The following ZNF763 variants were observed in gnomAD, a reference collection of about 807,000 sequenced individuals.
The protein encoded by ZNF763 is zinc finger protein 763.
Under a neutral mutation model 38.0 loss-of-function variants are expected in ZNF763, and 33 were observed. That is an observed-to-expected ratio of 0.87 (90% CI 0.66 to 1.16). ZNF763 has a LOEUF of 1.16. ZNF763 is among the 50% of genes most tolerant of loss of function. The pLI, the probability that ZNF763 is intolerant of heterozygous loss-of-function variation, is 0.00. For missense variants in ZNF763, 423 were observed against 469.1 expected (o/e 0.90, Z 0.91); for synonymous variants, 155 against 160.1 (o/e 0.97, Z 0.24).
At chr19:11,977,651 C>T (rs1331062569) in intron 3 of ZNF763, among the ~76,000 whole-genome samples, 1 of 152,160 alleles carries the variant, frequency 6.6e-6, no homozygotes, top group Non-Finnish European at 1.5e-5. Context: ...TTGAGGCCAG[C>T]AGTTCAAGAA....
chr19:11,979,203 A>G lies in ZNF763; in HGVS notation c.*94A>G, dbSNP rs528480983. On this transcript the variant is annotated 3_prime_UTR_variant, in exon 4 of 4. Transcript: ENST00000358987. ...GAGAGAAACCCTATAAATGCATGCC[A>G]TGTGGTAAAGCCTTCAATCTTTCCA... The G allele has an allele frequency of 2.9e-4, 472 of 1,611,702 alleles. 3 individuals carry two copies. The African/African-American group carries it at 5.8e-3, about 20-fold the overall frequency.
chr19:11,979,816 A>C lies in ZNF763; in HGVS notation c.*707A>C. 1 of 1,571,328 alleles carries C rather than the reference A, an allele frequency of 6.4e-7. No homozygotes were observed. The highest frequency in any genetic ancestry group is 1.1e-5 in the South Asian group (1 of 90,204). On this transcript the variant is annotated 3_prime_UTR_variant, in exon 4 of 4. Transcript: ENST00000358987. ...CCTATGAGTGTAAGGAATGTGGGAA[A>C]GCCTTCAGATCTGCCAAGAACCTTC...
intron 1 of ZNF763, among the ~76,000 whole-genome samples, chr19:11,969,370 G>A (rs1237738895): frequency 1.3e-5 from 2 of 152,212 alleles, no homozygotes; most frequent in Non-Finnish European, 2.9e-5. Flanking sequence ...CTCCCAAAGT[G>A]GTGGGATTAC....
intron 1 of ZNF763, among the ~76,000 whole-genome samples, chr19:11,974,092 T>A (rs572682269): frequency 1.2e-4 from 11 of 88,808 alleles, no homozygotes; most frequent in African/African-American, 4.6e-4. Flanking sequence ...TTTCTTTCTT[T>A]CTTTCTTTCT....
chr19:11,967,253 T>C (rs984728149), intron 1 of ZNF763, among the ~76,000 whole-genome samples: 2 of 151,950 alleles, frequency 1.3e-5, no homozygotes, highest in Non-Finnish European at 2.9e-5. Flanking sequence ...GGAGAATCAC[T>C]TGAACCCAGG....
At chr19:11,971,879 C>T (rs973625652) in intron 1 of ZNF763, among the ~76,000 whole-genome samples, 3 of 151,964 alleles carry the variant, frequency 2.0e-5, no homozygotes, top group East Asian at 3.9e-4. Context: ...GCCTGACAAA[C>T]GTGGAGGTTT....
At position 11,975,604 on chromosome 19, in the gene ZNF763, G is replaced by C. The variant is rs189624679; in HGVS notation, c.4-1434G>C. Among the ~76,000 whole-genome samples the C allele has an allele frequency of 2.2e-3, 330 of 149,938 alleles. 4 individuals carry two copies. The highest frequency in any genetic ancestry group is 7.4e-3 in the Middle Eastern group (2 of 270). ...AGTAGAGACAGGGTTTCACTGTGTC[G>C]ATCTCCTGACCTCGTGATCCGCCCG... is the stretch of plus-strand genomic sequence containing the variant. On this transcript the variant is annotated intron_variant, in intron 1 of 3. Transcript: ENST00000358987.
At chr19:11,970,455 A>G (rs575308506) in intron 1 of ZNF763, among the ~76,000 whole-genome samples, 4 of 152,244 alleles carry the variant, frequency 2.6e-5, no homozygotes, top group Non-Finnish European at 5.9e-5. Flanking sequence ...ATGCATGCTA[A>G]GGTAACATAT....
chr19:11,967,699 G>A (rs758507275), intron 1 of ZNF763, among the ~76,000 whole-genome samples: 15 of 151,884 alleles, frequency 9.9e-5, no homozygotes, highest in Non-Finnish European at 1.5e-4. Context: ...CACCATGTCC[G>A]GCCCCTGTCT....
At chr19:11,968,683 G>T (rs1017213442) in intron 1 of ZNF763, among the ~76,000 whole-genome samples, 1 of 152,064 alleles carries the variant, frequency 6.6e-6, no homozygotes, top group Non-Finnish European at 1.5e-5. Flanking sequence ...TGGAGTCTTT[G>T]TGTGAGAAAG....
intron 1 of ZNF763, among the ~76,000 whole-genome samples, chr19:11,972,143 G>T (rs1263872014): frequency 6.6e-6 from 1 of 151,922 alleles, no homozygotes; most frequent in Non-Finnish European, 1.5e-5. Flanking sequence ...AACATACCTG[G>T]TCATGGTGAT....
Position 11,978,192 on chromosome 19 carries a change from GACAGGCTGAACTTCCAGGAGAAGAA to G in ZNF763, c.270_294del (p.Asp90GlufsTer19), listed in dbSNP as rs772135890. Reference sequence around the variant, plus strand: ...AGAAACTTTTACCCAGGTTCCAGATGACAGGCTGAACTTCCAGGAGAAGAAAGCTTCTCCTGAAGCAAAATCATGT... The same window carrying G: ...AGAAACTTTTACCCAGGTTCCAGATGAGCTTCTCCTGAAGCAAAATCATGT... On this transcript the variant is annotated frameshift_variant, in exon 4 of 4. Transcript: ENST00000358987. LOFTEE classifies it high-confidence loss of function. 9.1e-5 allele frequency: 147 copies of G among 1,613,956 alleles called. 3 individuals are homozygous for G. The South Asian group carries it at 1.6e-3, about 17-fold the overall frequency.
At position 11,979,715 on chromosome 19, in the gene ZNF763, T is replaced by C. The variant is rs1973580173; in HGVS notation, c.*606T>C. The C allele has an allele frequency of 6.3e-7, 1 of 1,598,072 alleles. No individual in the cohort carries two copies. Among genetic ancestry groups the C allele is most frequent in the Admixed American group, 1.7e-5 (1 of 59,234 alleles). On this transcript the variant is annotated 3_prime_UTR_variant, in exon 4 of 4. Transcript: ENST00000358987. ...TCACCCTGAAGAGAAGCCCTACGAG[T>C]GTAAGCAATGTGGGAAAGCCTTCAG...
At chr19:11,974,064 C>CTTTCT (rs1322566777) in intron 1 of ZNF763, among the ~76,000 whole-genome samples, 6 of 142,414 alleles carry the variant, frequency 4.2e-5, no homozygotes, top group Admixed American at 2.1e-4. Flanking sequence ...TTCTTTCCTT[C>CTTTCT]TTTCTTTTCT....
intron 1 of ZNF763, among the ~76,000 whole-genome samples, chr19:11,974,004 A>G (rs1369941101): frequency 6.6e-6 from 1 of 152,026 alleles, no homozygotes; most frequent in Non-Finnish European, 1.5e-5. Context: ...TTTGGGATTT[A>G]GGCTACCCCA....
chr19:11,979,451 A>C lies in ZNF763; in HGVS notation c.*342A>C. ...ACACATAAGAATACACTCTGGAGAA[A>C]GACCTTATAAATGTAAGACATGTGG... On this transcript the variant is annotated 3_prime_UTR_variant, in exon 4 of 4. Coordinates refer to ENST00000358987, the MANE Select transcript of ZNF763 (RefSeq NM_001367172.2). 1 of 1,606,570 alleles carries C rather than the reference A, an allele frequency of 6.2e-7. No individual in the cohort carries two copies. Among genetic ancestry groups the C allele is most frequent in the Non-Finnish European group, 8.5e-7 (1 of 1,175,432 alleles).
chr19:11,971,621 C>T (rs1973352249), intron 1 of ZNF763, among the ~76,000 whole-genome samples: 1 of 152,228 alleles, frequency 6.6e-6, no homozygotes, highest in South Asian at 2.1e-4. Flanking sequence ...GAGGTTACAT[C>T]ATAGTGTTAT....
At chr19:11,975,880 C>A (rs189311722) in intron 1 of ZNF763, among the ~76,000 whole-genome samples, 1 of 151,980 alleles carries the variant, frequency 6.6e-6, no homozygotes, top group East Asian at 1.9e-4. Flanking sequence ...ACTGGAGTTT[C>A]TTGTTTGCCC....
intron 1 of ZNF763, among the ~76,000 whole-genome samples, chr19:11,973,507 G>A (rs72988659): frequency 1.3e-5 from 2 of 151,976 alleles, no homozygotes; most frequent in African/African-American, 4.8e-5. Context: ...GAGCCACCAC[G>A]TTCGGCCACT....
Sources: allele counts gnomAD v4.1 joint callset (sites outside exome capture counted in the v4.1 genomes callset), GRCh38; gene constraint gnomAD v4.1.1; transcripts MANE v1.5; gene names NCBI Gene and HGNC (gene_info 2026-07-23, HGNC 2026-07-21).